NAALADL2: variants seen among roughly 807,000 people sequenced by gnomAD.
The protein encoded by NAALADL2 is N-acetylated alpha-linked acidic dipeptidase like 2.
A neutral mutation model predicts 87.2 loss-of-function variants in NAALADL2; 76 were observed. The ratio of observed to expected loss-of-function variants is 0.87; its 90% CI spans 0.72 to 1.05. The LOEUF is 1.05. Ranked by LOEUF, NAALADL2 falls within the 50% of genes least tolerant of loss-of-function variation. NAALADL2 has a pLI of 0.00. For missense variants in NAALADL2, 1,089 were observed against 945.8 expected (o/e 1.15, Z -1.99); for synonymous variants, 354 against 331.0 (o/e 1.07, Z -0.75).
At chr3:175,705,211 T>G (rs1243239244) in intron 11 of NAALADL2, among the ~76,000 whole-genome samples, 1 of 152,044 alleles carries the variant, frequency 6.6e-6, no homozygotes, top group African/African-American at 2.4e-5. Flanking sequence ...CATTTTATCC[T>G]CATTTCACAG....
chr3:174,497,230 G>A (rs1718601308), intron 1 of NAALADL2, among the ~76,000 whole-genome samples: 1 of 151,902 alleles, frequency 6.6e-6, no homozygotes, highest in African/African-American at 2.4e-5. Flanking sequence ...AATTTGTGTA[G>A]TCCTGGAACT....
intron 2 of NAALADL2, among the ~76,000 whole-genome samples, chr3:174,607,001 G>A (rs1008972037): frequency 1.3e-5 from 2 of 152,046 alleles, no homozygotes; most frequent in Non-Finnish European, 2.9e-5. Flanking sequence ...AAGAGAGTGG[G>A]GGCCAATACT....
intron 4 of NAALADL2, among the ~76,000 whole-genome samples, chr3:175,272,623 A>G (rs1013921532): frequency 1.3e-5 from 2 of 152,162 alleles, no homozygotes; most frequent in African/African-American, 2.4e-5. Flanking sequence ...CACTTATGCT[A>G]TAATATGTCA....
chr3:174,759,438 T>C (rs955147403), intron 3 of NAALADL2, among the ~76,000 whole-genome samples: 11 of 152,206 alleles, frequency 7.2e-5, no homozygotes, highest in African/African-American at 2.7e-4. Context: ...GCCTTATTAA[T>C]TGGTAAAAAT....
At chr3:175,747,243 A>G (rs576817237) in intron 12 of NAALADL2, among the ~76,000 whole-genome samples, 7 of 152,204 alleles carry the variant, frequency 4.6e-5, no homozygotes, top group East Asian at 1.9e-4. Context: ...CTGTCTCACA[A>G]TTTGGTGCTA....
chr3:174,795,475 A>G (rs887935900), intron 3 of NAALADL2, among the ~76,000 whole-genome samples: 6 of 152,144 alleles, frequency 3.9e-5, no homozygotes, highest in African/African-American at 1.2e-4. Flanking sequence ...CTGTTTGGTT[A>G]TTATAAATAA....
chr3:175,699,081 A>T (rs1391061848), intron 11 of NAALADL2, among the ~76,000 whole-genome samples: 1 of 151,934 alleles, frequency 6.6e-6, no homozygotes, highest in Non-Finnish European at 1.5e-5. Context: ...TTTAATTTTT[A>T]AAAATAATAT....
chr3:174,754,063 C>T (rs1364321956), intron 3 of NAALADL2, among the ~76,000 whole-genome samples: 1 of 152,154 alleles, frequency 6.6e-6, no homozygotes, highest in Non-Finnish European at 1.5e-5. Flanking sequence ...CTTTTAAACC[C>T]ACCCAGTCTA....
At chr3:174,761,905 G>T (rs574024415) in intron 3 of NAALADL2, among the ~76,000 whole-genome samples, 1 of 151,736 alleles carries the variant, frequency 6.6e-6, no homozygotes, top group South Asian at 2.1e-4. Flanking sequence ...TACTTTTAAT[G>T]GCAAAGCCTG....
At chr3:174,717,896 C>G (rs967397204) in intron 2 of NAALADL2, among the ~76,000 whole-genome samples, 1 of 152,036 alleles carries the variant, frequency 6.6e-6, no homozygotes, top group Non-Finnish European at 1.5e-5. Context: ...GAGGCTGAGG[C>G]GGGCAGATCA....
chr3:175,398,093 GA>G (rs1770046357), intron 5 of NAALADL2, among the ~76,000 whole-genome samples: 1 of 152,140 alleles, frequency 6.6e-6, no homozygotes, highest in African/African-American at 2.4e-5. Flanking sequence ...ATTTCAGTGA[GA>G]AAGTTTCTGT....
chr3:175,377,409 CT>C (rs985758232), intron 5 of NAALADL2, among the ~76,000 whole-genome samples: 4 of 152,050 alleles, frequency 2.6e-5, no homozygotes, highest in African/African-American at 9.7e-5. Flanking sequence ...GTTGTTCTTA[CT>C]TTTTTCTTAG....
intron 1 of NAALADL2, among the ~76,000 whole-genome samples, chr3:175,066,667 TA>T (rs1389831860): frequency 1.3e-5 from 2 of 152,096 alleles, no homozygotes; most frequent in South Asian, 2.1e-4. Flanking sequence ...AATTCTTGTT[TA>T]AAAAAAAGTC....
At chr3:175,352,031 T>C (rs543347843) in intron 5 of NAALADL2, among the ~76,000 whole-genome samples, 23 of 152,244 alleles carry the variant, frequency 1.5e-4, no homozygotes, top group Non-Finnish European at 2.6e-4. Flanking sequence ...TGGATGTTGA[T>C]GCTCACAGTG....
intron 1 of NAALADL2, among the ~76,000 whole-genome samples, chr3:174,521,571 C>CAAAAAAA (rs58465181): frequency 1.6e-4 from 9 of 56,186 alleles, no homozygotes; most frequent in Non-Finnish European, 2.2e-4. Flanking sequence ...GACCCTGTCT[C>CAAAAAAA]AAAAAAAAAA....
chr3:175,579,328 A>G (rs760880614), intron 10 of NAALADL2, among the ~76,000 whole-genome samples: 5 of 152,174 alleles, frequency 3.3e-5, no homozygotes, highest in Non-Finnish European at 5.9e-5. Flanking sequence ...AAACTAGTGC[A>G]ATAGAGGCCA....
intron 13 of NAALADL2, among the ~76,000 whole-genome samples, chr3:175,779,342 C>G (rs902469082): frequency 6.6e-6 from 1 of 152,140 alleles, no homozygotes; most frequent in Non-Finnish European, 1.5e-5. Context: ...ACATGGGAAA[C>G]AGCATGAACT....
At chr3:175,682,029 C>T (rs1353974960) in intron 11 of NAALADL2, among the ~76,000 whole-genome samples, 2 of 152,036 alleles carry the variant, frequency 1.3e-5, no homozygotes, top group Non-Finnish European at 2.9e-5. Context: ...CTTCATGGTA[C>T]AAGAGTGCCA....
intron 10 of NAALADL2, among the ~76,000 whole-genome samples, chr3:175,599,130 C>T (rs970594259): frequency 7.2e-5 from 11 of 152,038 alleles, no homozygotes; most frequent in East Asian, 3.9e-4. Flanking sequence ...GATTCTGAAA[C>T]GTGAACTATG....
Sources: allele counts gnomAD v4.1 joint callset (sites outside exome capture counted in the v4.1 genomes callset), GRCh38; gene constraint gnomAD v4.1.1; transcripts MANE v1.5; gene names NCBI Gene and HGNC (gene_info 2026-07-23, HGNC 2026-07-21).